The following CXCL13 variants were observed in gnomAD, a reference collection of about 807,000 sequenced individuals.
CXCL13 encodes C-X-C motif chemokine 13.
CXCL13 carries 7 observed loss-of-function variants against 12.2 expected under a neutral mutation model. The ratio of observed to expected loss-of-function variants is 0.57; its 90% confidence interval spans 0.33 to 1.07. CXCL13 has a LOEUF of 1.07. Ranked by LOEUF, CXCL13 falls within the 50% of genes least tolerant of loss-of-function variation. The probability of loss-of-function intolerance (pLI) is 0.04; values close to 1 mark genes in which losing one functional copy is unlikely to be tolerated. For missense variants in CXCL13, 113 were observed against 127.4 expected, an observed-to-expected ratio of 0.89 and a Z score of 0.55; for synonymous variants, 47 against 42.4, an observed-to-expected ratio of 1.11 and a Z score of -0.42.
chr4:77,567,187 C>G (rs1725960278), intron 1 of CXCL13, among the ~76,000 whole-genome samples: 1 of 152,170 alleles, frequency 6.6e-6, no homozygotes, highest in African/African-American at 2.4e-5. Flanking sequence ...GATCCACCCC[C>G]TGCCCACAAA....
intron 1 of CXCL13, among the ~76,000 whole-genome samples, chr4:77,522,276 C>T (rs1262624665): frequency 2.6e-5 from 4 of 151,428 alleles, no homozygotes; most frequent in African/African-American, 9.7e-5. Flanking sequence ...CTAATATTGA[C>T]AGTGGGGTGT....
At chr4:77,570,904 G>A (rs1726058733) in intron 1 of CXCL13, among the ~76,000 whole-genome samples, 2 of 152,004 alleles carry the variant, frequency 1.3e-5, no homozygotes, top group African/African-American at 2.4e-5. Flanking sequence ...CTTCCCATGG[G>A]GCAGGCCTCG....
At position 77,549,862 on chromosome 4, in the gene CXCL13, G is replaced by A. The variant is rs777737423; in HGVS notation, c.-43+38074G>A. 8.5e-5 allele frequency among the ~76,000 whole-genome samples: 13 copies of A among 152,332 alleles called. No homozygotes were observed. In the East Asian group the frequency reaches 9.7e-4, roughly 11 times the overall value. Reference sequence around the variant, plus strand: ...CAAACTCCATGCTGGGAGAACCACTGCTCTCTTCAAAGCTGTCAGACTGGG... The same window carrying A: ...CAAACTCCATGCTGGGAGAACCACTACTCTCTTCAAAGCTGTCAGACTGGG... On this transcript the variant is annotated intron_variant, in intron 1 of 4. Coordinates refer to the CXCL13 transcript ENST00000286758.
intron 1 of CXCL13, among the ~76,000 whole-genome samples, chr4:77,569,319 C>A (rs528733306): frequency 1.3e-5 from 2 of 152,310 alleles, no homozygotes; most frequent in Admixed American, 1.3e-4. Flanking sequence ...GAGAGGAAGT[C>A]AAACTATCCC....
At chr4:77,591,172 A>C (rs529215380) in intron 1 of CXCL13, among the ~76,000 whole-genome samples, 26 of 152,174 alleles carry the variant, frequency 1.7e-4, no homozygotes, top group Non-Finnish European at 3.7e-4. Context: ...ATATTATACT[A>C]TCATTATTGT....
At chr4:77,545,104 A>C (rs1252435033) in intron 1 of CXCL13, among the ~76,000 whole-genome samples, 1 of 151,982 alleles carries the variant, frequency 6.6e-6, no homozygotes, top group Admixed American at 6.5e-5. Context: ...TCACTGGTCT[A>C]TATCTCTGTT....
At chr4:77,520,762 A>T (rs1469557801) in intron 1 of CXCL13, among the ~76,000 whole-genome samples, 1 of 152,096 alleles carries the variant, frequency 6.6e-6, no homozygotes, top group African/African-American at 2.4e-5. Context: ...GTTGAATAGG[A>T]GTGGTGAGAG....
intron 1 of CXCL13, among the ~76,000 whole-genome samples, chr4:77,543,705 T>C (rs886480449): frequency 2.0e-5 from 3 of 152,124 alleles, no homozygotes; most frequent in Admixed American, 2.0e-4. Flanking sequence ...TTTATTCCAA[T>C]ATGGTCTGAG....
intron 1 of CXCL13, among the ~76,000 whole-genome samples, chr4:77,544,221 C>G (rs1434163433): frequency 2.0e-5 from 3 of 152,142 alleles, no homozygotes; most frequent in Non-Finnish European, 4.4e-5. Flanking sequence ...GTGCATGTGT[C>G]TTTATAGTAG....
chr4:77,543,003 CAGTT>C lies in CXCL13; in HGVS notation c.-43+31216_-43+31219del, dbSNP rs1476190054. On this transcript the variant is annotated intron_variant, in intron 1 of 4. Transcript: ENST00000286758. Reference sequence around the variant, plus strand: ...GACCCATTTGGTCTAGGGCTTTTCTCAGTTGGTAGGTTTTTTATTACTGATTGTA... The same window carrying C: ...GACCCATTTGGTCTAGGGCTTTTCTCGGTAGGTTTTTTATTACTGATTGTA... 3.3e-5 allele frequency among the ~76,000 whole-genome samples: 5 copies of C among 152,054 alleles called. 1 individual carries two copies. The highest frequency in any genetic ancestry group is 1.2e-4 in the African/African-American group (5 of 41,532).
At chr4:77,604,059 T>G (rs1726948793), upstream of CXCL13, among the ~76,000 whole-genome samples, 1 of 152,152 alleles carries the variant, frequency 6.6e-6, no homozygotes, top group African/African-American at 2.4e-5. Context: ...AACTCTCTCT[T>G]AAAGAAATAA....
intron 1 of CXCL13, among the ~76,000 whole-genome samples, chr4:77,528,364 C>A (rs1426139491): frequency 6.6e-6 from 1 of 152,198 alleles, no homozygotes; most frequent in African/African-American, 2.4e-5. Context: ...CTGACTTCCA[C>A]AATGGTTGAA....
chr4:77,515,162 C>G (rs970444544), intron 1 of CXCL13, among the ~76,000 whole-genome samples: 1 of 152,172 alleles, frequency 6.6e-6, no homozygotes, highest in Non-Finnish European at 1.5e-5. Flanking sequence ...TTCCATTGAT[C>G]TATATCTCTG....
At chr4:77,514,749 T>C (rs569600988) in intron 1 of CXCL13, among the ~76,000 whole-genome samples, 15 of 152,348 alleles carry the variant, frequency 9.8e-5, no homozygotes, top group Admixed American at 7.2e-4. Flanking sequence ...TCTCCCATTT[T>C]GTGGGATGCC....
chr4:77,527,513 T>A (rs2110082829), intron 1 of CXCL13, among the ~76,000 whole-genome samples: 1 of 152,206 alleles, frequency 6.6e-6, no homozygotes, highest in South Asian at 2.1e-4. Flanking sequence ...GTGCCTGTGA[T>A]CCCAGCTACT....
At chr4:77,601,271 C>T (rs1043705593), upstream of CXCL13, among the ~76,000 whole-genome samples, 1 of 152,088 alleles carries the variant, frequency 6.6e-6, no homozygotes, top group Non-Finnish European at 1.5e-5. Context: ...GAAAGCAGCT[C>T]GCTCAAGATG....
intron 1 of CXCL13, among the ~76,000 whole-genome samples, chr4:77,560,282 G>A (rs1336910387): frequency 2.0e-5 from 3 of 152,124 alleles, no homozygotes; most frequent in Non-Finnish European, 4.4e-5. Flanking sequence ...CACGCTACTA[G>A]TTCTTATTGG....
intron 1 of CXCL13, among the ~76,000 whole-genome samples, chr4:77,530,302 A>C (rs773886086): frequency 6.6e-6 from 1 of 152,174 alleles, no homozygotes; most frequent in Non-Finnish European, 1.5e-5. Flanking sequence ...AAATGAGTTA[A>C]GGAGGATTCC....
chr4:77,546,158 T>TA (rs1288281929), intron 1 of CXCL13, among the ~76,000 whole-genome samples: 1 of 152,214 alleles, frequency 6.6e-6, no homozygotes, highest in East Asian at 1.9e-4. Flanking sequence ...GCCACTATCT[T>TA]ACTGAGGATT....
Sources: gnomAD v4.1 joint callset for allele counts (sites outside exome capture counted in the v4.1 genomes callset) on GRCh38, gnomAD v4.1.1 for gene constraint, MANE v1.5 for transcripts, NCBI Gene and HGNC (gene_info 2026-07-23, HGNC 2026-07-21) for gene names.